The following SNTG1 variants were observed in gnomAD, a reference collection of about 807,000 sequenced individuals.
SNTG1 encodes the protein syntrophin gamma 1, also known as gamma-1-syntrophin.
Under a neutral mutation model 74.7 loss-of-function variants are expected in SNTG1, and 39 were observed. That is an observed-to-expected ratio of 0.52 (90% confidence interval 0.40 to 0.68). The LOEUF (loss-of-function observed/expected upper bound fraction) is 0.68. SNTG1 is among the 30% of genes least tolerant of loss of function. The pLI is 0.00. For synonymous variants in SNTG1, 254 were observed against 217.1 expected (o/e 1.17, Z -1.49); for missense variants, 685 against 609.5 (o/e 1.12, Z -1.30).
chr8:49,945,061 T>C (rs1268452971), intron 1 of SNTG1, among the ~76,000 whole-genome samples: 1 of 152,232 alleles, frequency 6.6e-6, no homozygotes, highest in Non-Finnish European at 1.5e-5. Flanking sequence ...GTATTTGGTA[T>C]TGTTTTCCAT....
intron 1 of SNTG1, among the ~76,000 whole-genome samples, chr8:50,085,225 A>T (rs1264382901): frequency 6.6e-6 from 1 of 152,216 alleles, no homozygotes; most frequent in Non-Finnish European, 1.5e-5. Context: ...TGTGCAAGTC[A>T]GAACAAACAA....
intron 1 of SNTG1, among the ~76,000 whole-genome samples, chr8:50,144,020 A>G (rs1398501471): frequency 1.3e-5 from 2 of 152,196 alleles, no homozygotes; most frequent in African/African-American, 4.8e-5. Flanking sequence ...CCTGGAGAGC[A>G]GGACCAGAGT....
chr8:50,706,410 T>C (rs932541359), intron 16 of SNTG1, among the ~76,000 whole-genome samples: 7 of 152,182 alleles, frequency 4.6e-5, no homozygotes, highest in Middle Eastern at 3.2e-3. Flanking sequence ...TTTTTAGGTT[T>C]CTAAAATTAT....
chr8:50,195,842 G>A (rs1188999398), intron 2 of SNTG1, among the ~76,000 whole-genome samples: 1 of 152,138 alleles, frequency 6.6e-6, no homozygotes, highest in Non-Finnish European at 1.5e-5. Flanking sequence ...TCCTCTCAGG[G>A]CTGTTGGTTT....
At chr8:50,651,592 G>T (rs2095146849) in intron 13 of SNTG1, among the ~76,000 whole-genome samples, 1 of 150,956 alleles carries the variant, frequency 6.6e-6, no homozygotes, top group South Asian at 2.1e-4. Flanking sequence ...CGAGTAGCTG[G>T]GATTACAGGC....
chr8:49,942,733 G>A (rs952284023), intron 1 of SNTG1, among the ~76,000 whole-genome samples: 1 of 152,288 alleles, frequency 6.6e-6, no homozygotes, highest in Admixed American at 6.5e-5. Flanking sequence ...ACTAGATTGA[G>A]TTTATGTGAT....
chr8:49,959,788 G>A (rs906516723), intron 1 of SNTG1, among the ~76,000 whole-genome samples: 4 of 152,250 alleles, frequency 2.6e-5, no homozygotes, highest in East Asian at 3.9e-4. Context: ...AGAGAAGTAT[G>A]CTATAATTTA....
At chr8:50,420,005 G>GA (rs1393390112) in intron 4 of SNTG1, among the ~76,000 whole-genome samples, 2 of 151,746 alleles carry the variant, frequency 1.3e-5, no homozygotes, top group African/African-American at 4.8e-5. Flanking sequence ...AAATTGGACT[G>GA]AAAAAAATAA....
intron 2 of SNTG1, among the ~76,000 whole-genome samples, chr8:50,322,665 C>G (rs562579564): frequency 6.6e-6 from 1 of 152,218 alleles, no homozygotes; most frequent in South Asian, 2.1e-4. Context: ...GGCAGTAACT[C>G]TTAGACTTGC....
At chr8:50,721,418 C>G (rs1351219304) in intron 17 of SNTG1, among the ~76,000 whole-genome samples, 1 of 152,112 alleles carries the variant, frequency 6.6e-6, no homozygotes, top group Non-Finnish European at 1.5e-5. Flanking sequence ...TTATGGGAAA[C>G]TTTTCACATA....
rs562689820 is a variant in SNTG1, at chr8:50,517,676, C to G, written c.467-12501C>G. Among the ~76,000 whole-genome samples the G allele has an allele frequency of 1.1e-3, 160 of 144,258 alleles. 3 individuals are homozygous for G. In the South Asian group the frequency reaches 0.016, roughly 15 times the overall value. 94.6% of individuals were successfully genotyped at this position (144,258 alleles called of 152,430 possible). ...AAATCCTAGTCTCTGATAAAACAGA[C>G]TTTAAACCAACAAAGATCAACAAAG... is the stretch of plus-strand genomic sequence containing the variant. On this transcript the variant is annotated intron_variant, in intron 9 of 18. Coordinates refer to ENST00000642720, the MANE Select transcript of SNTG1 (RefSeq NM_018967.5).
At chr8:50,447,619 A>G (rs2093418813) in intron 5 of SNTG1, among the ~76,000 whole-genome samples, 1 of 152,232 alleles carries the variant, frequency 6.6e-6, no homozygotes, top group South Asian at 2.1e-4. Flanking sequence ...CTCAACAAAC[A>G]TGTCAAAGAT....
At chr8:50,734,318 C>T (rs2131631268) in intron 17 of SNTG1, among the ~76,000 whole-genome samples, 1 of 151,744 alleles carries the variant, frequency 6.6e-6, no homozygotes, top group African/African-American at 2.4e-5. Context: ...CTGACATCTT[C>T]AGGATAGTGA....
At chr8:50,122,131 C>T (rs531260664) in intron 1 of SNTG1, among the ~76,000 whole-genome samples, 1 of 140,602 alleles carries the variant, frequency 7.1e-6, no homozygotes, top group African/African-American at 2.6e-5. Flanking sequence ...CAGATACACA[C>T]ACACCTTGTA....
chr8:50,145,221 C>T (rs1198904796), intron 1 of SNTG1, among the ~76,000 whole-genome samples: 1 of 152,134 alleles, frequency 6.6e-6, no homozygotes, highest in Non-Finnish European at 1.5e-5. Context: ...ATTGAGGAGA[C>T]TCTTCATCGA....
intron 1 of SNTG1, among the ~76,000 whole-genome samples, chr8:49,963,044 T>G (rs1448997860): frequency 6.6e-6 from 1 of 152,216 alleles, no homozygotes; most frequent in Non-Finnish European, 1.5e-5. Context: ...AGTGACCGTC[T>G]CCTTGCAGTT....
intron 2 of SNTG1, among the ~76,000 whole-genome samples, chr8:50,315,671 G>A (rs922647854): frequency 1.4e-5 from 2 of 139,420 alleles, no homozygotes. Flanking sequence ...GTGATTCTAA[G>A]AATGTTTTCT....
At chr8:50,695,350 A>G (rs2095400672) in intron 15 of SNTG1, among the ~76,000 whole-genome samples, 1 of 151,996 alleles carries the variant, frequency 6.6e-6, no homozygotes, top group South Asian at 2.1e-4. Flanking sequence ...TATAATAGAT[A>G]CACAAAATGC....
At chr8:50,597,030 A>G (rs1264612974) in intron 13 of SNTG1, among the ~76,000 whole-genome samples, 2 of 151,720 alleles carry the variant, frequency 1.3e-5, no homozygotes, top group Non-Finnish European at 2.9e-5. Context: ...TGTAACTGTA[A>G]CTTTGTACCC....
Sources: gnomAD v4.1 joint callset for allele counts (sites outside exome capture counted in the v4.1 genomes callset) on GRCh38, gnomAD v4.1.1 for gene constraint, MANE v1.5 for transcripts, NCBI Gene and HGNC (gene_info 2026-07-23, HGNC 2026-07-21) for gene names.